Variants in SFSWAP observed in about 807,000 individuals in gnomAD.
SFSWAP encodes the protein splicing factor, suppressor of white-apricot homolog.
Under a neutral mutation model 100.7 loss-of-function variants are expected in SFSWAP, and 17 were observed. The ratio of observed to expected loss-of-function variants is 0.17; its 90% CI spans 0.12 to 0.25. SFSWAP has a LOEUF of 0.25. SFSWAP is among the 10% of genes least tolerant of loss of function. The pLI, the probability that SFSWAP is intolerant of heterozygous loss-of-function variation, is 1.00. For missense variants in SFSWAP, 1,005 were observed against 1,262.6 expected (o/e 0.80, Z 3.09); for synonymous variants, 504 against 510.1 (o/e 0.99, Z 0.16).
At chr12:131,764,294 G>C (rs1687718678) in intron 11 of SFSWAP, among the ~76,000 whole-genome samples, 162 bp from the exon 12 acceptor site, 1 of 152,208 alleles carries the variant, frequency 6.6e-6, no homozygotes, top group Admixed American at 6.5e-5. Flanking sequence ...CATCTGCACA[G>C]GTCTGCTCTG....
intron 7 of SFSWAP, among the ~76,000 whole-genome samples, chr12:131,732,299 A>C (rs1879592125): frequency 6.6e-6 from 1 of 152,250 alleles, no homozygotes; most frequent in Non-Finnish European, 1.5e-5. Flanking sequence ...GGGCAAGAGC[A>C]GCCCATGGCT....
intron 11 of SFSWAP, 121 bp downstream of exon 11, chr12:131,756,765 T>G (rs1882213838): frequency 2.4e-6 from 2 of 820,418 alleles, no homozygotes; most frequent in Non-Finnish European, 3.7e-6. Flanking sequence ...GGCGGCCCCC[T>G]GGAGGTTGCT....
At chr12:131,784,997 C>G (rs1884784213) in intron 14 of SFSWAP, 1 of 1,229,382 alleles carries the variant, frequency 8.1e-7, no homozygotes. Flanking sequence ...ATAAGCAGAG[C>G]TTTTTTCAGA....
At chr12:131,766,603 C>T (rs1170788790) in intron 13 of SFSWAP, among the ~76,000 whole-genome samples, 1 of 152,232 alleles carries the variant, frequency 6.6e-6, no homozygotes, top group South Asian at 2.1e-4. Flanking sequence ...TGGGGAGTGC[C>T]TCCCATGGGT....
chr12:131,789,537 CA>C (rs1247768573), intron 15 of SFSWAP, among the ~76,000 whole-genome samples: 1 of 151,702 alleles, frequency 6.6e-6, no homozygotes, highest in South Asian at 2.1e-4. Context: ...CCCTCTCTTT[CA>C]AAAAAAAGTG....
chr12:131,742,276 C>T (rs1442979951), intron 7 of SFSWAP, among the ~76,000 whole-genome samples: 2 of 152,182 alleles, frequency 1.3e-5, no homozygotes, highest in Admixed American at 6.5e-5. Context: ...TCACTTCAGC[C>T]ACTTGCTCTC....
rs1394878018 is a variant in SFSWAP, at chr12:131,730,836, C to T, written c.1081+2408C>T. 3.3e-5 allele frequency among the ~76,000 whole-genome samples: 5 copies of T among 152,202 alleles called. No individual in the cohort carries two copies. Among genetic ancestry groups the T allele is most frequent in the African/African-American group, 2.4e-5 (1 of 41,452 alleles). On this transcript the variant is annotated intron_variant, in intron 7 of 17. Coordinates refer to ENST00000261674, the MANE Select transcript of SFSWAP (RefSeq NM_004592.4). The surrounding 1 kb of genome is among the most constrained non-coding windows in gnomAD (Gnocchi z 4.0). ...GGGGTGCCCTCTCCTCCCCTCAATA[C>T]GGTGCCGTTGTTTTGAAACTCATCG... is the stretch of plus-strand genomic sequence containing the variant.
intron 11 of SFSWAP, among the ~76,000 whole-genome samples, chr12:131,758,772 C>A (rs888460364): frequency 8.5e-5 from 13 of 152,170 alleles, no homozygotes; most frequent in African/African-American, 3.1e-4. Context: ...ATGACAAAAC[C>A]CCGTCTCTGC....
At chr12:131,782,078 A>C (rs1884548104) in intron 14 of SFSWAP, among the ~76,000 whole-genome samples, 1 of 152,198 alleles carries the variant, frequency 6.6e-6, no homozygotes, top group African/African-American at 2.4e-5. Flanking sequence ...CTTGGGAGGC[A>C]GAGGCAGGAG....
chr12:131,799,578 T>C lies in SFSWAP; in HGVS notation c.*90T>C. 2.0e-6 allele frequency: 2 copies of C among 1,006,848 alleles called. No homozygotes were observed. The highest frequency in any genetic ancestry group is 2.9e-5 in the South Asian group (2 of 69,886). 62.4% of individuals were successfully genotyped at this position (1,006,848 alleles called of 1,614,324 possible). A position where few individuals can be genotyped will look rare whatever the true frequency, so the allele number is the denominator to read the frequency against. Reference sequence around the variant, plus strand: ...CGGCCACACCATCCACCTGGCCGCCTCCATGGACCCTTGGTGGCTTTTGTA... The same window carrying C: ...CGGCCACACCATCCACCTGGCCGCCCCCATGGACCCTTGGTGGCTTTTGTA... On this transcript the variant is annotated 3_prime_UTR_variant, in exon 18 of 18. Coordinates refer to ENST00000261674, the MANE Select transcript of SFSWAP (RefSeq NM_004592.4).
chr12:131,787,346 C>T (rs1884967135), intron 15 of SFSWAP, among the ~76,000 whole-genome samples: 2 of 152,240 alleles, frequency 1.3e-5, no homozygotes, highest in Admixed American at 1.3e-4. Context: ...TTGGTGCCGC[C>T]AGTGAGCACT....
In SFSWAP at chr12:131,730,997, C is replaced by A. The variant is rs1466164844; in HGVS notation, c.1081+2569C>A. ...ATGCTCCTGCATCAGCCATAGGGGT[C>A]AGAGCCCTCCTATGAGCCTCCTCGC... is the stretch of plus-strand genomic sequence containing the variant. On this transcript the variant is annotated intron_variant, in intron 7 of 17. Transcript: ENST00000261674. This position sits in a 1 kb window ranked among gnomAD's most constrained non-coding sequence, Gnocchi z 4.0. 1.3e-5 allele frequency among the ~76,000 whole-genome samples: 2 copies of A among 152,152 alleles called. No individual in the cohort carries two copies. The highest frequency in any genetic ancestry group is 2.9e-5 in the Non-Finnish European group (2 of 68,038).
In SFSWAP at chr12:131,764,075, G is replaced by A. The variant is rs573439513; in HGVS notation, c.1721-381G>A. Among the ~76,000 whole-genome samples the A allele has an allele frequency of 1.5e-4, 23 of 152,252 alleles. No individual in the cohort carries two copies. In the South Asian group the frequency reaches 4.6e-3, roughly 30 times the overall value. On this transcript the variant is annotated intron_variant, in intron 11 of 17. Transcript: ENST00000261674. ...TAGGAGGCAGAGGTTGCAGTGAGCC[G>A]AGATCGTGCCACTGCACTCCAGCCT... is the stretch of plus-strand genomic sequence containing the variant.
At chr12:131,772,811 G>A (rs61942912) in intron 13 of SFSWAP, among the ~76,000 whole-genome samples, 11,454 of 152,202 alleles carry the variant, frequency 0.075, 489 homozygotes, top group Middle Eastern at 0.12. Flanking sequence ...CTTGTCCGGC[G>A]TCCAGCAAGA....
At position 131,799,577 on chromosome 12, in the gene SFSWAP, C is replaced by T; in HGVS notation, c.*89C>T. 2 of 1,012,056 alleles carry T rather than the reference C, an allele frequency of 2.0e-6. No individual in the cohort carries two copies. The highest frequency in any genetic ancestry group is 2.6e-5 in the Admixed American group (1 of 38,960). The allele number at this position is 1,012,056 out of a possible 1,614,324, so 62.7% of individuals were successfully genotyped here. A position where few individuals can be genotyped will look rare whatever the true frequency, so the allele number is the denominator to read the frequency against. On this transcript the variant is annotated 3_prime_UTR_variant, in exon 18 of 18. Transcript: ENST00000261674. The stretch of plus-strand genomic sequence containing the variant: ...CCGGCCACACCATCCACCTGGCCGC[C>T]TCCATGGACCCTTGGTGGCTTTTGT...
intron 14 of SFSWAP, chr12:131,783,606 AC>A (rs1300904194): frequency 1.2e-4 from 18 of 149,854 alleles, no homozygotes; most frequent in Admixed American, 3.3e-4. Context: ...ACACGGTGAA[AC>A]CCCGTCTCTA....
intron 7 of SFSWAP, among the ~76,000 whole-genome samples, chr12:131,742,840 C>T (rs751478109): frequency 6.6e-5 from 10 of 152,052 alleles, no homozygotes; most frequent in East Asian, 5.8e-4. Context: ...AAGACATACC[C>T]GAGACTGAGG....
chr12:131,720,966 T>G (rs1447994607), intron 4 of SFSWAP, among the ~76,000 whole-genome samples: 1 of 152,194 alleles, frequency 6.6e-6, no homozygotes, highest in African/African-American at 2.4e-5. Context: ...TTCTGCAGGC[T>G]GTACAGGAAG....
At chr12:131,774,347 T>C (rs1000307269) in intron 13 of SFSWAP, among the ~76,000 whole-genome samples, 5 of 152,214 alleles carry the variant, frequency 3.3e-5, no homozygotes, top group Admixed American at 1.3e-4. Context: ...TTTGCCACAG[T>C]AGGAAATAAT....
Sources: allele counts gnomAD v4.1 joint callset (sites outside exome capture counted in the v4.1 genomes callset), GRCh38; gene constraint gnomAD v4.1.1; non-coding constraint Gnocchi (gnomAD v3.1); transcripts MANE v1.5; gene names NCBI Gene and HGNC (gene_info 2026-07-23, HGNC 2026-07-21).